KIZ: variants seen among roughly 807,000 people sequenced by gnomAD.
KIZ encodes the protein centrosomal protein kizuna.
A neutral mutation model predicts 79.6 loss-of-function variants in KIZ; 68 were observed. The observed-to-expected ratio is 0.85, with a 90% CI of 0.70 to 1.05. The LOEUF (loss-of-function observed/expected upper bound fraction) is 1.05. Among genes scored for constraint, KIZ ranks in the 50% least tolerant of loss-of-function variants. The pLI is 0.00. For synonymous variants in KIZ, 280 were observed against 281.8 expected (o/e 0.99, Z 0.06); for missense variants, 797 against 800.4 (o/e 1.00, Z 0.05).
chr20:21,165,753 T>G (rs976908382), intron 6 of KIZ, among the ~76,000 whole-genome samples: 4 of 152,120 alleles, frequency 2.6e-5, no homozygotes, highest in African/African-American at 9.7e-5. Flanking sequence ...ATAATGAAGG[T>G]CCCAAATCAG....
At chr20:21,214,727 C>G in intron 8 of KIZ, 27 bp downstream of exon 8, 2 of 1,533,358 alleles carry the variant, frequency 1.3e-6, no homozygotes, top group South Asian at 2.3e-5. Context: ...TGTGTGTCCA[C>G]AGCAAAAAGG....
chr20:21,188,959 C>T (rs748659828), intron 6 of KIZ, among the ~76,000 whole-genome samples: 13 of 151,994 alleles, frequency 8.6e-5, no homozygotes, highest in South Asian at 2.1e-4. Context: ...CCACCTGCCT[C>T]GGCCTCCCAA....
intron 6 of KIZ, chr20:21,195,112 A>G (rs2035283218): frequency 1.3e-5 from 2 of 152,244 alleles, no homozygotes; most frequent in South Asian, 4.1e-4. Flanking sequence ...ATTCAGGGGT[A>G]AGAAAGATCC....
At chr20:21,189,972 G>T (rs1568959681) in intron 6 of KIZ, among the ~76,000 whole-genome samples, 1 of 152,212 alleles carries the variant, frequency 6.6e-6, no homozygotes, top group Non-Finnish European at 1.5e-5. Flanking sequence ...CACAGGTTTT[G>T]TAAGACAGCC....
chr20:21,150,572 G>C (rs1358932234), intron 4 of KIZ, among the ~76,000 whole-genome samples: 1 of 152,170 alleles, frequency 6.6e-6, no homozygotes, highest in Non-Finnish European at 1.5e-5. Flanking sequence ...GTGTTCAGCT[G>C]GACCTTTTTA....
intron 7 of KIZ, among the ~76,000 whole-genome samples, chr20:21,213,275 G>A (rs1323226707): frequency 1.3e-5 from 2 of 150,012 alleles, no homozygotes; most frequent in Non-Finnish European, 2.9e-5. Flanking sequence ...CGGGCCTTCC[G>A]TCCGGGCCTT....
rs930067343 is a variant in KIZ at position 21,131,572 on chromosome 20, G to A, written c.90-525G>A. Among the ~76,000 whole-genome samples, 8 of 152,258 alleles carry A rather than the reference G, an allele frequency of 5.3e-5. No individual in the cohort carries two copies. The South Asian group carries it at 1.2e-3, about 24-fold the overall frequency. ...CAAGATCTGATGGGACCCCATCACC[G>A]AAATGCCAGCGACTCAGAGAAGTCT... is the stretch of plus-strand genomic sequence containing the variant. On this transcript the variant is annotated intron_variant, in intron 1 of 12. Transcript: ENST00000619189.
intron 7 of KIZ, among the ~76,000 whole-genome samples, chr20:21,207,009 T>C (rs2035853317): frequency 6.6e-6 from 1 of 152,226 alleles, no homozygotes; most frequent in African/African-American, 2.4e-5. Flanking sequence ...TTCTCCTAGG[T>C]TGAACATCTT....
intron 6 of KIZ, chr20:21,197,232 A>C (rs1430598559): frequency 2.0e-5 from 3 of 152,222 alleles, no homozygotes; most frequent in Admixed American, 6.5e-5. Flanking sequence ...ACAGTGACCA[A>C]ATTTTTAGAC....
intron 9 of KIZ, among the ~76,000 whole-genome samples, chr20:21,219,751 A>G (rs2036439533): frequency 6.6e-6 from 1 of 151,954 alleles, no homozygotes; most frequent in African/African-American, 2.4e-5. Flanking sequence ...TCATCTCTTC[A>G]TTTCCCTTTC....
At chr20:21,193,146 T>C (rs976408739) in intron 6 of KIZ, among the ~76,000 whole-genome samples, 2 of 152,158 alleles carry the variant, frequency 1.3e-5, no homozygotes, top group Non-Finnish European at 2.9e-5. Flanking sequence ...GGATATCAGC[T>C]TCTGAGCCCC....
At chr20:21,172,890 T>C (rs924811626) in intron 6 of KIZ, among the ~76,000 whole-genome samples, 2 of 152,150 alleles carry the variant, frequency 1.3e-5, no homozygotes, top group African/African-American at 4.8e-5. Flanking sequence ...ATGGGATATG[T>C]CTTGAGAAAG....
At chr20:21,236,695 T>A (rs889740151) in intron 11 of KIZ, among the ~76,000 whole-genome samples, 23 of 151,804 alleles carry the variant, frequency 1.5e-4, no homozygotes, top group Non-Finnish European at 2.7e-4. Flanking sequence ...TTTCTTTTTT[T>A]AAAAAAATGA....
At chr20:21,162,782 C>G in intron 5 of KIZ, 68 bp from the exon 6 acceptor site, 2 of 1,250,478 alleles carry the variant, frequency 1.6e-6, no homozygotes, top group Non-Finnish European at 2.2e-6. Context: ...ATGAGTAATT[C>G]TGCTGTGTGT....
intron 6 of KIZ, among the ~76,000 whole-genome samples, chr20:21,172,422 G>A (rs920434126): frequency 4.6e-5 from 7 of 152,088 alleles, no homozygotes; most frequent in African/African-American, 2.4e-5. Context: ...GGGCAACGTG[G>A]TGAAACCTCG....
At chr20:21,179,364 T>C (rs2034559627) in intron 6 of KIZ, among the ~76,000 whole-genome samples, 1 of 151,730 alleles carries the variant, frequency 6.6e-6, no homozygotes, top group Non-Finnish European at 1.5e-5. Context: ...GTTTGTTGGT[T>C]TGTAATAGTT....
intron 6 of KIZ, among the ~76,000 whole-genome samples, chr20:21,182,611 C>T (rs889031082): frequency 1.3e-5 from 2 of 152,068 alleles, no homozygotes; most frequent in Non-Finnish European, 2.9e-5. Flanking sequence ...ACCTAGGCAA[C>T]ATGGCGAAAC....
intron 3 of KIZ, among the ~76,000 whole-genome samples, chr20:21,142,811 A>AAATAAAT (rs2032639380): frequency 6.6e-6 from 1 of 151,850 alleles, no homozygotes; most frequent in Non-Finnish European, 1.5e-5. Flanking sequence ...ATAAATAAAT[A>AAATAAAT]AATAAAGTAA....
rs573465082 is a variant in KIZ at position 21,170,064 on chromosome 20, A to G, written c.1352+6905A>G. Among the ~76,000 whole-genome samples the G allele has an allele frequency of 3.3e-5, 5 of 152,184 alleles. No homozygotes were observed. In the East Asian group the frequency reaches 9.7e-4, roughly 29 times the overall value. On this transcript the variant is annotated intron_variant, in intron 6 of 12. Coordinates refer to ENST00000619189, the MANE Select transcript of KIZ (RefSeq NM_018474.6). ...AGGTTTTTGTGTGGACATGTTTTCA[A>G]CTTATTTGGGTAAATACCAAGGAGT...
Sources: gnomAD v4.1 joint callset for allele counts (sites outside exome capture counted in the v4.1 genomes callset) on GRCh38, gnomAD v4.1.1 for gene constraint, MANE v1.5 for transcripts, NCBI Gene and HGNC (gene_info 2026-07-23, HGNC 2026-07-21) for gene names.